Variants in FTO observed in about 807,000 individuals in gnomAD.
The protein encoded by FTO is alpha-ketoglutarate-dependent dioxygenase FTO.
In FTO, 47 loss-of-function variants were observed where a neutral mutation model predicts 63.9. That is an observed-to-expected ratio of 0.74 (90% CI 0.58 to 0.94). FTO has a LOEUF of 0.94. Among genes scored for constraint, FTO ranks in the 40% least tolerant of loss-of-function variants. FTO has a pLI of 0.00. For missense variants in FTO, 562 were observed against 618.1 expected, an observed-to-expected ratio of 0.91 and a Z score of 0.96; for synonymous variants, 207 against 224.4, an observed-to-expected ratio of 0.92 and a Z score of 0.69.
chr16:53,934,278 A>G (rs555132102), intron 8 of FTO, among the ~76,000 whole-genome samples, 169 bp downstream of exon 8: 1 of 152,338 alleles, frequency 6.6e-6, no homozygotes, highest in African/African-American at 2.4e-5. Context: ...CGGCACCTAC[A>G]TTAATTGTAA....
At chr16:54,077,204 G>A (rs2086019409) in intron 8 of FTO, among the ~76,000 whole-genome samples, 1 of 152,184 alleles carries the variant, frequency 6.6e-6, no homozygotes, top group Non-Finnish European at 1.5e-5. Flanking sequence ...TTGTAGTGGA[G>A]AAAGCCCTCA....
At chr16:53,854,546 G>A (rs1598833616) in intron 4 of FTO, among the ~76,000 whole-genome samples, 1 of 151,864 alleles carries the variant, frequency 6.6e-6, no homozygotes, top group African/African-American at 2.4e-5. Flanking sequence ...TTTTGAATAG[G>A]GTGTCCCTTT....
chr16:53,711,977 A>G (rs902253620), intron 1 of FTO, among the ~76,000 whole-genome samples: 2 of 152,162 alleles, frequency 1.3e-5, no homozygotes, highest in Non-Finnish European at 2.9e-5. Flanking sequence ...TGTAATCCCA[A>G]TGCTTTGTGA....
upstream of FTO, chr16:53,704,017 C>G (rs997783930): frequency 6.9e-5 from 51 of 739,422 alleles, no homozygotes; most frequent in Non-Finnish European, 1.2e-4. Context: ...AATCCCGTGG[C>G]GCTCGCGGGT....
chr16:53,954,792 G>A (rs1054205750), intron 8 of FTO, among the ~76,000 whole-genome samples: 11 of 152,074 alleles, frequency 7.2e-5, no homozygotes, highest in African/African-American at 4.8e-5. Flanking sequence ...GAAGGCTCAC[G>A]TCGTTAGTGG....
intron 8 of FTO, among the ~76,000 whole-genome samples, chr16:54,107,706 A>T (rs2144620668): frequency 6.6e-6 from 1 of 152,226 alleles, no homozygotes; most frequent in East Asian, 1.9e-4. Context: ...TTACAGAAAA[A>T]CCTAACTCAG....
chr16:53,909,294 CT>C (rs1220710884), intron 7 of FTO, among the ~76,000 whole-genome samples: 1 of 152,156 alleles, frequency 6.6e-6, no homozygotes, highest in Non-Finnish European at 1.5e-5. Flanking sequence ...CCTTGTGCTG[CT>C]CACATGTGTG....
chr16:53,839,595 C>G (rs1305839256), intron 3 of FTO, among the ~76,000 whole-genome samples: 1 of 151,854 alleles, frequency 6.6e-6, no homozygotes, highest in African/African-American at 2.4e-5. Flanking sequence ...TTTATTGATG[C>G]CAGCTTGAGA....
At chr16:53,763,004 G>T (rs1477893867) in intron 1 of FTO, among the ~76,000 whole-genome samples, 1 of 152,130 alleles carries the variant, frequency 6.6e-6, no homozygotes, top group Non-Finnish European at 1.5e-5. Context: ...CTTTTAAACA[G>T]AAGATGCAAT....
chr16:54,001,381 G>T (rs1172200989), intron 8 of FTO, among the ~76,000 whole-genome samples: 1 of 152,118 alleles, frequency 6.6e-6, no homozygotes, highest in Non-Finnish European at 1.5e-5. Flanking sequence ...CGTCTTCTGA[G>T]TATGATTCCG....
In FTO at chr16:53,754,271, G is replaced by A. The variant is rs557088856; in HGVS notation, c.45+50042G>A. Among the ~76,000 whole-genome samples the A allele has an allele frequency of 3.7e-4, 57 of 152,304 alleles. 1 individual carries two copies. In the South Asian group the frequency reaches 8.9e-3, roughly 24 times the overall value. ...TTATTGGCTTCTTCAAGATTACAAA[G>A]CTACTTAATTACAGAGCTGAATTTG... On this transcript the variant is annotated intron_variant, in intron 1 of 8. Transcript: ENST00000471389.
intron 3 of FTO, among the ~76,000 whole-genome samples, chr16:53,828,853 C>T (rs1044990850): frequency 6.6e-6 from 1 of 152,124 alleles, no homozygotes; most frequent in Admixed American, 6.5e-5. Context: ...TTTCTTATCC[C>T]AGCAGTGTAG....
At chr16:53,735,417 G>C (rs1248031338) in intron 1 of FTO, among the ~76,000 whole-genome samples, 1 of 152,230 alleles carries the variant, frequency 6.6e-6, no homozygotes. Context: ...ACAGTTTGCT[G>C]TGCGGTGAAT....
At chr16:54,102,236 G>T (rs1441980073) in intron 8 of FTO, among the ~76,000 whole-genome samples, 1 of 152,110 alleles carries the variant, frequency 6.6e-6, no homozygotes, top group Non-Finnish European at 1.5e-5. Flanking sequence ...CCTGGACATA[G>T]GAATGGACAG....
At chr16:53,798,380 G>T (rs772009383) in intron 1 of FTO, among the ~76,000 whole-genome samples, 47 of 152,060 alleles carry the variant, frequency 3.1e-4, no homozygotes, top group Non-Finnish European at 6.6e-4. Context: ...ATCAATTTGG[G>T]GACAGTGAAA....
chr16:53,810,349 A>G lies in FTO; in HGVS notation c.123+132A>G, dbSNP rs573824091. ...CAAATTAGATCACCCATGACTTCTC[A>G]TGGCCTACAGAGCATGTACATTTCT... On this transcript the variant is annotated intron_variant, in intron 2 of 8. Transcript: ENST00000471389. 31 of 695,246 alleles carry G rather than the reference A, an allele frequency of 4.5e-5. No individual in the cohort carries two copies. In the South Asian group the frequency reaches 4.7e-4, roughly 10 times the overall value. 43.1% of individuals were successfully genotyped at this position (695,246 alleles called of 1,614,324 possible).
chr16:53,793,989 TAACA>T (rs978117227), intron 1 of FTO, among the ~76,000 whole-genome samples: 6 of 152,226 alleles, frequency 3.9e-5, no homozygotes, highest in African/African-American at 1.4e-4. Flanking sequence ...TCATCCTAAC[TAACA>T]ATCAAATAAA....
intron 2 of FTO, among the ~76,000 whole-genome samples, chr16:53,815,806 G>A (rs926413752): frequency 2.0e-5 from 3 of 151,768 alleles, no homozygotes; most frequent in Admixed American, 1.3e-4. Context: ...GCGTCACCAT[G>A]CCTGGCCAAT....
intron 8 of FTO, among the ~76,000 whole-genome samples, chr16:53,966,998 A>T (rs2083210696): frequency 6.6e-6 from 1 of 152,242 alleles, no homozygotes; most frequent in South Asian, 2.1e-4. Context: ...GAGTCTTCGT[A>T]TCAGCCTCCC....
Sources: gnomAD v4.1 joint callset for allele counts (sites outside exome capture counted in the v4.1 genomes callset) on GRCh38, gnomAD v4.1.1 for gene constraint, MANE v1.5 for transcripts, NCBI Gene and HGNC (gene_info 2026-07-23, HGNC 2026-07-21) for gene names.